The following MYRIP variants were observed in gnomAD, a reference collection of about 807,000 sequenced individuals.
The protein encoded by MYRIP is myosin VIIA and Rab interacting protein.
Under a neutral mutation model 98.0 loss-of-function variants are expected in MYRIP, and 49 were observed. The ratio of observed to expected loss-of-function variants is 0.50; its 90% CI spans 0.40 to 0.63. MYRIP has a LOEUF of 0.63. Ranked by LOEUF, MYRIP falls within the 30% of genes least tolerant of loss-of-function variation. MYRIP has a pLI of 0.00. For synonymous variants in MYRIP, 404 were observed against 409.5 expected (o/e 0.99, Z 0.16); for missense variants, 1,004 against 1,058.2 (o/e 0.95, Z 0.71).
intron 3 of MYRIP, among the ~76,000 whole-genome samples, chr3:40,048,332 G>A (rs1346942554): frequency 1.3e-5 from 2 of 151,994 alleles, no homozygotes; most frequent in Non-Finnish European, 2.9e-5. Context: ...TTAATTTCTA[G>A]CTATTTATCC....
chr3:40,131,308 T>C (rs1316078942), intron 3 of MYRIP, among the ~76,000 whole-genome samples: 1 of 152,250 alleles, frequency 6.6e-6, no homozygotes, highest in Non-Finnish European at 1.5e-5. Flanking sequence ...CCATATTTGT[T>C]ATTTTTTACT....
intron 2 of MYRIP, among the ~76,000 whole-genome samples, chr3:40,030,135 G>A (rs1012227333): frequency 7.3e-5 from 11 of 151,642 alleles, no homozygotes; most frequent in Non-Finnish European, 1.3e-4. Flanking sequence ...GGAAGGGAAG[G>A]AAGAGAAAGA....
chr3:39,975,931 C>A (rs1945739327), intron 2 of MYRIP, among the ~76,000 whole-genome samples: 1 of 152,066 alleles, frequency 6.6e-6, no homozygotes, highest in South Asian at 2.1e-4. Context: ...TGTTAGACCT[C>A]AAACCATGAA....
At chr3:39,855,094 T>G (rs1182372167) in intron 1 of MYRIP, among the ~76,000 whole-genome samples, 1 of 152,266 alleles carries the variant, frequency 6.6e-6, no homozygotes, top group Non-Finnish European at 1.5e-5. Flanking sequence ...TAGATATATG[T>G]ACTATGCTGG....
At chr3:39,843,829 T>C (rs2125597599) in intron 1 of MYRIP, among the ~76,000 whole-genome samples, 1 of 152,276 alleles carries the variant, frequency 6.6e-6, no homozygotes, top group African/African-American at 2.4e-5. Context: ...CACCCAATAG[T>C]GCTAGCCTCT....
chr3:40,067,298 T>C (rs1003515841), intron 3 of MYRIP, among the ~76,000 whole-genome samples: 8 of 152,162 alleles, frequency 5.3e-5, no homozygotes, highest in African/African-American at 1.9e-4. Flanking sequence ...GAGCAAAGGC[T>C]GTGTGCAGTT....
chr3:39,873,644 G>C (rs1018418746), intron 1 of MYRIP, among the ~76,000 whole-genome samples: 1 of 152,110 alleles, frequency 6.6e-6, no homozygotes, highest in African/African-American at 2.4e-5. Flanking sequence ...AGATCAGATA[G>C]TTGTAGATAT....
intron 1 of MYRIP, among the ~76,000 whole-genome samples, chr3:39,900,150 A>G (rs1374916958): frequency 6.6e-6 from 1 of 152,188 alleles, no homozygotes; most frequent in Non-Finnish European, 1.5e-5. Context: ...AGAGTTTCCC[A>G]TAATTTTTAG....
chr3:40,244,624 C>T lies in MYRIP; in HGVS notation c.2262+17C>T, dbSNP rs374176055. Reference sequence around the variant, plus strand: ...GAACTCCAGGTGAGAACTCTCCTCTCTGCCCACATGGGTCCTGCAGGGTGA... The same window carrying T: ...GAACTCCAGGTGAGAACTCTCCTCTTTGCCCACATGGGTCCTGCAGGGTGA... On this transcript the variant is annotated intron_variant, in intron 13 of 16. Coordinates refer to ENST00000302541, the MANE Select transcript of MYRIP (RefSeq NM_015460.4). 1 of 1,603,490 alleles carries T rather than the reference C, an allele frequency of 6.2e-7. No homozygotes were observed. Among genetic ancestry groups the T allele is most frequent in the South Asian group, 1.1e-5 (1 of 89,294 alleles).
intron 3 of MYRIP, among the ~76,000 whole-genome samples, chr3:40,101,028 C>T (rs987684123): frequency 6.6e-5 from 10 of 152,190 alleles, no homozygotes; most frequent in Middle Eastern, 3.2e-3. Flanking sequence ...CATCTGTGCT[C>T]CTTACACACC....
At chr3:40,018,849 G>C (rs905657079) in intron 2 of MYRIP, among the ~76,000 whole-genome samples, 1 of 152,118 alleles carries the variant, frequency 6.6e-6, no homozygotes, top group African/African-American at 2.4e-5. Context: ...GGAAAGAAAT[G>C]ATCCCAAATA....
At chr3:39,996,945 AC>A (rs1196691366) in intron 2 of MYRIP, among the ~76,000 whole-genome samples, 9 of 152,348 alleles carry the variant, frequency 5.9e-5, no homozygotes, top group African/African-American at 2.2e-4. Flanking sequence ...TGGGTACGTA[AC>A]AAAATGAAGG....
chr3:39,893,244 G>T (rs1173124347), intron 1 of MYRIP, among the ~76,000 whole-genome samples: 1 of 152,034 alleles, frequency 6.6e-6, no homozygotes, highest in Admixed American at 6.5e-5. Context: ...ATTATCCTGT[G>T]CTCATCCCCA....
At chr3:39,825,491 C>G (rs1229356645) in intron 1 of MYRIP, among the ~76,000 whole-genome samples, 1 of 152,056 alleles carries the variant, frequency 6.6e-6, no homozygotes, top group African/African-American at 2.4e-5. Context: ...TGATGTGTTG[C>G]ATTTATTGAT....
chr3:39,939,472 A>G (rs1944731233), intron 2 of MYRIP, among the ~76,000 whole-genome samples: 1 of 152,130 alleles, frequency 6.6e-6, no homozygotes, highest in Non-Finnish European at 1.5e-5. Context: ...AATTACATCT[A>G]GTGAAACACA....
chr3:40,248,014 G>A (rs1428590495), intron 13 of MYRIP, among the ~76,000 whole-genome samples: 1 of 152,224 alleles, frequency 6.6e-6, no homozygotes, highest in African/African-American at 2.4e-5. Flanking sequence ...CAGGCTAACT[G>A]GTGCCAGAGA....
intron 1 of MYRIP, among the ~76,000 whole-genome samples, chr3:39,846,752 T>C (rs1240800727): frequency 6.6e-6 from 1 of 152,202 alleles, no homozygotes; most frequent in Non-Finnish European, 1.5e-5. Context: ...AATATGCATA[T>C]TTATAGAAAT....
intron 2 of MYRIP, among the ~76,000 whole-genome samples, chr3:39,912,159 TCTC>T (rs1382002025): frequency 1.3e-5 from 2 of 152,088 alleles, no homozygotes; most frequent in East Asian, 3.9e-4. Flanking sequence ...TGTGTCAGCT[TCTC>T]CTCTATCGGT....
intron 2 of MYRIP, among the ~76,000 whole-genome samples, chr3:39,968,487 G>T (rs1051787313): frequency 3.9e-5 from 6 of 152,106 alleles, no homozygotes; most frequent in Admixed American, 3.9e-4. Context: ...AACCTATCTT[G>T]AGTTGATTTT....
Sources: gnomAD v4.1 joint callset for allele counts (sites outside exome capture counted in the v4.1 genomes callset) on GRCh38, gnomAD v4.1.1 for gene constraint, MANE v1.5 for transcripts, NCBI Gene and HGNC (gene_info 2026-07-23, HGNC 2026-07-21) for gene names.